Variants in ADGRL3 observed in about 807,000 individuals in gnomAD.
ADGRL3 encodes adhesion G protein-coupled receptor L3, also known as calcium-independent alpha-latrotoxin receptor 3.
ADGRL3 carries 62 observed loss-of-function variants against 153.5 expected under a neutral mutation model. That is an observed-to-expected ratio of 0.40 (90% CI 0.33 to 0.50). The LOEUF (loss-of-function observed/expected upper bound fraction) is 0.50, where lower values mean the gene tolerates loss of function less well. Among genes scored for constraint, ADGRL3 ranks in the 20% least tolerant of loss-of-function variants. The probability of loss-of-function intolerance (pLI) is 0.47; values close to 1 mark genes in which losing one functional copy is unlikely to be tolerated. For synonymous variants in ADGRL3, 710 were observed against 672.5 expected (o/e 1.06, Z -0.86); for missense variants, 1,641 against 1,859.4 (o/e 0.88, Z 2.16).
rs2098681774 is a variant in ADGRL3 at position 61,540,267 on chromosome 4, T to C, written c.259+22749T>C. Among the ~76,000 whole-genome samples the C allele has an allele frequency of 5.3e-5, 8 of 152,178 alleles. No individual in the cohort carries two copies. In the South Asian group the frequency reaches 1.7e-3, roughly 32 times the overall value. Reference sequence around the variant, plus strand: ...TACTGAGTTAAATACAGTGGAAATCTGCCAGGCGTGGTGGCTTATGCCTGT... The same window carrying C: ...TACTGAGTTAAATACAGTGGAAATCCGCCAGGCGTGGTGGCTTATGCCTGT... On this transcript the variant is annotated intron_variant, in intron 4 of 26. Transcript: ENST00000683033.
intron 25 of ADGRL3, among the ~76,000 whole-genome samples, chr4:62,058,443 C>T (rs1738225174): frequency 6.6e-6 from 1 of 152,038 alleles, no homozygotes; most frequent in Admixed American, 6.6e-5. Context: ...TTCAAGATGC[C>T]ATCAATTTCA....
rs397993633 is a variant in ADGRL3, at chr4:61,392,684, C to CAAAAAAAAAAAAAA, written c.-174+9504_-174+9517dup. On this transcript the variant is annotated intron_variant, in intron 2 of 26. Transcript: ENST00000683033. ...CTGGTGACAGAGCGAGACTCCATCT[C>CAAAAAAAAAAAAAA]AAAAAAAAAAAAAAAAAAAAAAGAA... 2.4e-3 allele frequency among the ~76,000 whole-genome samples: 32 copies of CAAAAAAAAAAAAAA among 13,372 alleles called. 10 individuals are homozygous for CAAAAAAAAAAAAAA. The highest frequency in any genetic ancestry group is 4.5e-3 in the Non-Finnish European group (26 of 5,758). 8.8% of individuals were successfully genotyped at this position (13,372 alleles called of 152,430 possible).
At chr4:61,554,900 G>A (rs1451725734) in intron 4 of ADGRL3, among the ~76,000 whole-genome samples, 1 of 152,130 alleles carries the variant, frequency 6.6e-6, no homozygotes, top group Non-Finnish European at 1.5e-5. Flanking sequence ...TTTTAACAAA[G>A]AGTAATAAAG....
At chr4:61,914,102 G>A (rs1238847050) in intron 13 of ADGRL3, among the ~76,000 whole-genome samples, 1 of 152,080 alleles carries the variant, frequency 6.6e-6, no homozygotes, top group Non-Finnish European at 1.5e-5. Flanking sequence ...GAATGAAAAT[G>A]CAGTTGAGTA....
intron 21 of ADGRL3, among the ~76,000 whole-genome samples, chr4:62,011,670 CTCTT>C (rs372040750): frequency 6.6e-6 from 1 of 152,064 alleles, no homozygotes; most frequent in Non-Finnish European, 1.5e-5. Flanking sequence ...TCAAATAAAT[CTCTT>C]TCTAATTATT....
rs1453270935 is a variant in ADGRL3, at chr4:61,935,041, T to C, written c.2296+18T>C. On this transcript the variant is annotated intron_variant, in intron 14 of 26. Coordinates refer to ENST00000683033, the MANE Select transcript of ADGRL3 (RefSeq NM_001387552.1). ...CAATATTAGTAAGTGGCCTTTGTTA[T>C]TCAGAAGGTCCAGACACTCTTGTAT... The C allele has an allele frequency of 8.1e-6, 13 of 1,609,196 alleles. No individual in the cohort carries two copies. Among genetic ancestry groups the C allele is most frequent in the Non-Finnish European group, 1.1e-5 (13 of 1,176,052 alleles).
At chr4:62,050,708 G>A (rs1174149887) in intron 25 of ADGRL3, among the ~76,000 whole-genome samples, 1 of 151,928 alleles carries the variant, frequency 6.6e-6, no homozygotes, top group Non-Finnish European at 1.5e-5. Flanking sequence ...GTTTATTAAT[G>A]TCAATAAATA....
At chr4:61,276,039 G>T (rs1280089648) in intron 1 of ADGRL3, among the ~76,000 whole-genome samples, 2 of 152,196 alleles carry the variant, frequency 1.3e-5, no homozygotes, top group African/African-American at 2.4e-5. Context: ...AAAACAGAAA[G>T]ACGGGAGAGT....
At position 61,797,336 on chromosome 4, in the gene ADGRL3, C is replaced by T. The variant is rs138971844; in HGVS notation, c.1400-16473C>T. Among the ~76,000 whole-genome samples, 29 of 152,140 alleles carry T rather than the reference C, an allele frequency of 1.9e-4. 1 individual carries two copies. Among genetic ancestry groups the T allele is most frequent in the African/African-American group, 6.7e-4 (28 of 41,510 alleles). On this transcript the variant is annotated intron_variant, in intron 8 of 26. Transcript: ENST00000683033. Reference sequence around the variant, plus strand: ...TTTAAACAAATATTGGAATTAAGTACCCTACAAAAAGGTGTTTCTAAAGGA... The same window carrying T: ...TTTAAACAAATATTGGAATTAAGTATCCTACAAAAAGGTGTTTCTAAAGGA...
intron 2 of ADGRL3, chr4:61,425,171 T>C (rs1292056890): frequency 6.6e-6 from 1 of 152,348 alleles, no homozygotes; most frequent in Non-Finnish European, 1.5e-5. Context: ...CATCCCATTG[T>C]TGCTGTATAC....
intron 8 of ADGRL3, among the ~76,000 whole-genome samples, chr4:61,755,514 T>C (rs2096816330): frequency 6.6e-6 from 1 of 152,196 alleles, no homozygotes. Flanking sequence ...AGATTCTGGA[T>C]ATTAGCCCTT....
intron 5 of ADGRL3, among the ~76,000 whole-genome samples, chr4:61,589,268 T>C (rs572134530): frequency 2.6e-5 from 4 of 152,132 alleles, no homozygotes; most frequent in Non-Finnish European, 5.9e-5. Flanking sequence ...AGTTTCTCAC[T>C]TGCCTTTTAA....
intron 2 of ADGRL3, among the ~76,000 whole-genome samples, chr4:61,436,641 T>A (rs983081081): frequency 6.6e-6 from 1 of 152,140 alleles, no homozygotes; most frequent in Admixed American, 6.5e-5. Flanking sequence ...TGGAGGTTGC[T>A]CATTTTAGGC....
chr4:61,585,559 C>A lies in ADGRL3; in HGVS notation c.260-1668C>A, dbSNP rs558724808. On this transcript the variant is annotated intron_variant, in intron 4 of 26. Transcript: ENST00000683033. ...AATACATGTCTTTTGTGCATGTGCACGTTAGTGAGTTAATCAACTATAAAT... is the reference window on the plus strand; with the variant it reads ...AATACATGTCTTTTGTGCATGTGCAAGTTAGTGAGTTAATCAACTATAAAT... Among the ~76,000 whole-genome samples, 6 of 152,088 alleles carry A rather than the reference C, an allele frequency of 3.9e-5. No homozygotes were observed. In the South Asian group the frequency reaches 1.2e-3, roughly 32 times the overall value.
At chr4:61,612,384 C>A (rs1374873966) in intron 5 of ADGRL3, among the ~76,000 whole-genome samples, 1 of 152,090 alleles carries the variant, frequency 6.6e-6, no homozygotes, top group Non-Finnish European at 1.5e-5. Flanking sequence ...AAACAATAGT[C>A]AAAGGCTCAC....
rs141444048 is a variant in ADGRL3 at position 61,272,302 on chromosome 4, A to G, written c.-240+70537A>G. On this transcript the variant is annotated intron_variant, in intron 1 of 26. Transcript: ENST00000683033. The stretch of plus-strand genomic sequence containing the variant: ...ATGACAAAATTTTCATGACAAAAAA[A>G]TCAGTATATGGAAGTCATCAGCCCT... 2.0e-3 allele frequency among the ~76,000 whole-genome samples: 307 copies of G among 152,188 alleles called. 1 individual carries two copies. The highest frequency in any genetic ancestry group is 6.7e-3 in the African/African-American group (279 of 41,564).
At chr4:61,680,340 T>C (rs1246807507) in intron 6 of ADGRL3, among the ~76,000 whole-genome samples, 1 of 151,908 alleles carries the variant, frequency 6.6e-6, no homozygotes, top group Non-Finnish European at 1.5e-5. Flanking sequence ...ATATGTACTA[T>C]TTATGAATGT....
chr4:61,501,145 A>G lies in ADGRL3; in HGVS notation c.55+3797A>G, dbSNP rs775511066. Among the ~76,000 whole-genome samples the G allele has an allele frequency of 5.9e-5, 9 of 152,158 alleles. No individual in the cohort carries two copies. The South Asian group carries it at 1.2e-3, about 21-fold the overall frequency. ...ACCTACTGGCTCTGTAATCCTGTTT[A>G]TCTGTCAACTGGTTAATAAATATCA... On this transcript the variant is annotated intron_variant, in intron 3 of 26. Coordinates refer to ENST00000683033, the MANE Select transcript of ADGRL3 (RefSeq NM_001387552.1).
chr4:61,314,192 G>A (rs115794924), intron 1 of ADGRL3, among the ~76,000 whole-genome samples: 2,296 of 151,328 alleles, frequency 0.015, 70 homozygotes, highest in African/African-American at 0.053. Context: ...TTTTATCTGA[G>A]TATACCTACT....
Sources: allele counts gnomAD v4.1 joint callset (sites outside exome capture counted in the v4.1 genomes callset), GRCh38; gene constraint gnomAD v4.1.1; transcripts MANE v1.5; gene names NCBI Gene and HGNC (gene_info 2026-07-23, HGNC 2026-07-21).